Variants in FMNL2 observed in about 807,000 individuals in gnomAD.
FMNL2 encodes the protein formin-like protein 2.
FMNL2 carries 51 observed loss-of-function variants against 130.2 expected under a neutral mutation model. The observed-to-expected ratio is 0.39, with a 90% confidence interval of 0.31 to 0.49. The LOEUF (loss-of-function observed/expected upper bound fraction) is 0.49. Among genes scored for constraint, FMNL2 ranks in the 20% least tolerant of loss-of-function variants. The pLI is 0.85. For synonymous variants in FMNL2, 465 were observed against 467.1 expected, an observed-to-expected ratio of 1.00 and a Z score of 0.06; for missense variants, 977 against 1,316.2, an observed-to-expected ratio of 0.74 and a Z score of 3.99.
At chr2:152,480,223 C>T (rs1690420397) in intron 1 of FMNL2, among the ~76,000 whole-genome samples, 2 of 152,158 alleles carry the variant, frequency 1.3e-5, no homozygotes, top group South Asian at 4.1e-4. Flanking sequence ...GTTGGTCTAT[C>T]AGATCTAATT....
intron 1 of FMNL2, among the ~76,000 whole-genome samples, chr2:152,392,601 C>A (rs1685175192): frequency 6.6e-6 from 1 of 152,178 alleles, no homozygotes; most frequent in Non-Finnish European, 1.5e-5. Context: ...TGCAAGTCAT[C>A]CAAATGCGGA....
Position 152,601,018 on chromosome 2 carries a change from C to T in FMNL2, c.877-6321C>T, listed in dbSNP as rs138892848. 2.4e-3 allele frequency among the ~76,000 whole-genome samples: 365 copies of T among 152,202 alleles called. 1 individual carries two copies. The highest frequency in any genetic ancestry group is 8.4e-3 in the African/African-American group (350 of 41,526). ...TGCCATGCTAGATGAGAATTTTAGA[C>T]GTTCAAGAATACTGAGGGAGAGAAT... On this transcript the variant is annotated intron_variant, in intron 9 of 25. Transcript: ENST00000288670.
intron 1 of FMNL2, among the ~76,000 whole-genome samples, chr2:152,478,308 T>A (rs1365498387): frequency 6.9e-6 from 1 of 144,930 alleles, no homozygotes; most frequent in African/African-American, 2.5e-5. Flanking sequence ...TGGAGTACAG[T>A]GGCATGATCT....
intron 1 of FMNL2, among the ~76,000 whole-genome samples, chr2:152,354,735 T>C (rs1682691378): frequency 6.6e-6 from 1 of 152,214 alleles, no homozygotes; most frequent in African/African-American, 2.4e-5. Context: ...ACTTTTGCCC[T>C]AAATTTTTGT....
intron 1 of FMNL2, among the ~76,000 whole-genome samples, chr2:152,504,857 ACACT>A (rs1692067163): frequency 6.6e-6 from 1 of 152,166 alleles, no homozygotes; most frequent in African/African-American, 2.4e-5. Context: ...TACTCTGAAG[ACACT>A]CAGAGTTCTA....
At chr2:152,554,814 T>C (rs1442520643) in intron 4 of FMNL2, among the ~76,000 whole-genome samples, 1 of 152,178 alleles carries the variant, frequency 6.6e-6, no homozygotes, top group African/African-American at 2.4e-5. Flanking sequence ...TTTTTACAAG[T>C]AAATTGACAT....
chr2:152,551,797 C>G (rs1448909446), intron 4 of FMNL2, among the ~76,000 whole-genome samples: 1 of 152,194 alleles, frequency 6.6e-6, no homozygotes, highest in African/African-American at 2.4e-5. Context: ...AGGACGATTA[C>G]TTGAGCCCAA....
At chr2:152,350,196 G>A (rs181619194) in intron 1 of FMNL2, among the ~76,000 whole-genome samples, 57 of 152,274 alleles carry the variant, frequency 3.7e-4, no homozygotes, top group African/African-American at 1.3e-3. Flanking sequence ...GGAGGGAGGA[G>A]TAGCCAGAGT....
intron 2 of FMNL2, among the ~76,000 whole-genome samples, chr2:152,539,692 G>GAAATATAGTCCAGTC (rs1694195565): frequency 1.3e-5 from 2 of 152,128 alleles, no homozygotes; most frequent in Non-Finnish European, 2.9e-5. Flanking sequence ...AAGTCCTAAG[G>GAAATATAGTCCAGTC]AAATATAGTC....
chr2:152,626,438 G>A (rs1681790759), intron 16 of FMNL2, 87 bp from the exon 17 acceptor site: 3 of 1,147,506 alleles, frequency 2.6e-6, no homozygotes, highest in East Asian at 2.6e-5. Context: ...AAAAAGTGAC[G>A]TTTTTGCTTA....
chr2:152,534,731 C>T (rs1237038270), intron 2 of FMNL2, among the ~76,000 whole-genome samples: 1 of 151,962 alleles, frequency 6.6e-6, no homozygotes, highest in Non-Finnish European at 1.5e-5. Context: ...ATTAAAGAAA[C>T]CTACTCAATA....
At chr2:152,546,816 A>G (rs557016978) in intron 3 of FMNL2, among the ~76,000 whole-genome samples, 33 of 152,068 alleles carry the variant, frequency 2.2e-4, no homozygotes, top group East Asian at 1.4e-3. Context: ...TCCCTTCTCT[A>G]TATACACAGC....
At chr2:152,472,779 C>G (rs1035806614) in intron 1 of FMNL2, among the ~76,000 whole-genome samples, 6 of 152,184 alleles carry the variant, frequency 3.9e-5, no homozygotes, top group African/African-American at 1.2e-4. Flanking sequence ...ACTGTGTGAC[C>G]TTGGGCAAGT....
intron 1 of FMNL2, chr2:152,390,323 A>G: frequency 1.6e-6 from 2 of 1,216,814 alleles, no homozygotes; most frequent in Non-Finnish European, 2.4e-6. Context: ...AAGTGAAGGT[A>G]GGGGAGAGCT....
intron 1 of FMNL2, among the ~76,000 whole-genome samples, chr2:152,493,140 G>A (rs1579803382): frequency 1.3e-5 from 2 of 152,138 alleles, no homozygotes; most frequent in South Asian, 2.1e-4. Flanking sequence ...GGTGGTATGG[G>A]GCAGCCTATA....
At chr2:152,381,494 G>C (rs760441708) in intron 1 of FMNL2, among the ~76,000 whole-genome samples, 1 of 152,204 alleles carries the variant, frequency 6.6e-6, no homozygotes, top group Non-Finnish European at 1.5e-5. Flanking sequence ...GATCATATTT[G>C]AAGTTCTTCT....
chr2:152,519,052 G>A (rs1345995826), intron 1 of FMNL2, among the ~76,000 whole-genome samples: 1 of 151,854 alleles, frequency 6.6e-6, no homozygotes, highest in South Asian at 2.1e-4. Flanking sequence ...ACTTTTTTCA[G>A]CTCCTTAAAT....
intron 1 of FMNL2, among the ~76,000 whole-genome samples, chr2:152,485,805 C>CTT (rs1411483056): frequency 2.6e-5 from 4 of 152,162 alleles, no homozygotes; most frequent in Admixed American, 6.5e-5. Flanking sequence ...AGAATAGAGA[C>CTT]TGCATCCCCT....
chr2:152,477,082 G>A lies in FMNL2; in HGVS notation c.118-44861G>A, dbSNP rs183719178. Among the ~76,000 whole-genome samples, 80 of 152,198 alleles carry A rather than the reference G, an allele frequency of 5.3e-4. 1 individual carries two copies. The highest frequency in any genetic ancestry group is 1.9e-3 in the African/African-American group (79 of 41,528). ...TGGTTAGAAATAAACAAAAAGTATG[G>A]GAATCTTAACTTTACTGAAAAGATA... is the stretch of plus-strand genomic sequence containing the variant. On this transcript the variant is annotated intron_variant, in intron 1 of 25. Coordinates refer to ENST00000288670, the MANE Select transcript of FMNL2 (RefSeq NM_052905.4).
Sources: allele counts gnomAD v4.1 joint callset (sites outside exome capture counted in the v4.1 genomes callset), GRCh38; gene constraint gnomAD v4.1.1; transcripts MANE v1.5; gene names NCBI Gene and HGNC (gene_info 2026-07-23, HGNC 2026-07-21).